Variants in PDE3A observed in about 807,000 individuals in gnomAD.
The protein encoded by PDE3A is cGMP-inhibited 3',5'-cyclic phosphodiesterase 3A.
Under a neutral mutation model 98.3 loss-of-function variants are expected in PDE3A, and 43 were observed. The observed-to-expected ratio is 0.44, with a 90% CI of 0.34 to 0.56. The LOEUF is 0.56. Ranked by LOEUF, PDE3A falls within the 20% of genes least tolerant of loss-of-function variation. PDE3A has a pLI of 0.01. For synonymous variants in PDE3A, 663 were observed against 567.9 expected (o/e 1.17, Z -2.38); for missense variants, 1,427 against 1,440.7 (o/e 0.99, Z 0.15).
intron 2 of PDE3A, among the ~76,000 whole-genome samples, chr12:20,596,722 A>G (rs747832671): frequency 2.2e-4 from 33 of 152,176 alleles, no homozygotes; most frequent in Non-Finnish European, 3.8e-4. Context: ...CTTTCCTAAT[A>G]CTTAGTTCTG....
intron 2 of PDE3A, among the ~76,000 whole-genome samples, chr12:20,578,852 C>T (rs1943001363): frequency 6.6e-6 from 1 of 152,056 alleles, no homozygotes; most frequent in Non-Finnish European, 1.5e-5. Flanking sequence ...TTGATCACTT[C>T]CTATATGTAA....
chr12:20,449,925 A>G, intron 1 of PDE3A: 1 of 804,094 alleles, frequency 1.2e-6, no homozygotes, highest in Non-Finnish European at 1.9e-6. Context: ...ACTCTGCTGG[A>G]AAGTTGATTT....
Position 20,687,120 on chromosome 12 carries a change from C to T in PDE3A, c.*6849C>T, listed in dbSNP as rs1945987971. On this transcript the variant is annotated 3_prime_UTR_variant, in exon 16 of 16. Coordinates refer to ENST00000359062, the MANE Select transcript of PDE3A (RefSeq NM_000921.5). The stretch of plus-strand genomic sequence containing the variant: ...CGGTAATTTTACTCCCTAAAAAAGG[C>T]AAAATACTCAGATGTTCAATGTGAA... 6.6e-6 allele frequency among the ~76,000 whole-genome samples: 1 copy of T among 151,968 alleles called. No homozygotes were observed. The highest frequency in any genetic ancestry group is 6.6e-5 in the Admixed American group (1 of 15,248).
At position 20,425,070 on chromosome 12, in the gene PDE3A, A is replaced by G. The variant is rs536361551; in HGVS notation, c.960+54826A>G. 5.3e-5 allele frequency among the ~76,000 whole-genome samples: 8 copies of G among 152,376 alleles called. No homozygotes were observed. In the South Asian group the frequency reaches 1.7e-3, roughly 32 times the overall value. ...ATTCATTTGAAAGAACTGACAAAAGAACATGTTTTTAGATCAACTTGCATT... is the reference window on the plus strand; with the variant it reads ...ATTCATTTGAAAGAACTGACAAAAGGACATGTTTTTAGATCAACTTGCATT... On this transcript the variant is annotated intron_variant, in intron 1 of 15. Coordinates refer to ENST00000359062, the MANE Select transcript of PDE3A (RefSeq NM_000921.5).
intron 1 of PDE3A, among the ~76,000 whole-genome samples, chr12:20,498,700 A>T (rs2121074189): frequency 6.6e-6 from 1 of 152,250 alleles, no homozygotes; most frequent in African/African-American, 2.4e-5. Flanking sequence ...AAGTTTTTTT[A>T]AAAAGGCGTT....
intron 1 of PDE3A, among the ~76,000 whole-genome samples, chr12:20,462,855 T>A (rs1355737186): frequency 6.6e-6 from 1 of 151,916 alleles, no homozygotes; most frequent in African/African-American, 2.4e-5. Context: ...CAGTGCAGGA[T>A]CATGGCTCAC....
At chr12:20,371,657 G>A (rs1404673647) in intron 1 of PDE3A, among the ~76,000 whole-genome samples, 1 of 152,026 alleles carries the variant, frequency 6.6e-6, no homozygotes, top group African/African-American at 2.4e-5. Flanking sequence ...TTATTTTAAA[G>A]CAAATGTAGT....
chr12:20,615,594 G>C (rs1943984552), intron 3 of PDE3A, among the ~76,000 whole-genome samples: 2 of 152,188 alleles, frequency 1.3e-5, no homozygotes, highest in Non-Finnish European at 2.9e-5. Context: ...TAACTAATAT[G>C]TGTGTATAGG....
At chr12:20,478,297 A>T (rs545936743) in intron 1 of PDE3A, among the ~76,000 whole-genome samples, 9 of 152,206 alleles carry the variant, frequency 5.9e-5, no homozygotes, top group Non-Finnish European at 1.2e-4. Context: ...GGAAATAAAC[A>T]TACTGATATA....
At chr12:20,436,269 C>T (rs896216419) in intron 1 of PDE3A, among the ~76,000 whole-genome samples, 6 of 151,810 alleles carry the variant, frequency 4.0e-5, no homozygotes, top group African/African-American at 4.8e-5. Flanking sequence ...ACAGCAGCTG[C>T]GAGATGTTTT....
intron 2 of PDE3A, among the ~76,000 whole-genome samples, chr12:20,586,207 G>C (rs1217724088): frequency 6.6e-6 from 1 of 152,212 alleles, no homozygotes; most frequent in Non-Finnish European, 1.5e-5. Context: ...CCTAGGAAGA[G>C]AGAATGGCAT....
chr12:20,513,981 T>A (rs1376847326), intron 1 of PDE3A, among the ~76,000 whole-genome samples: 1 of 152,166 alleles, frequency 6.6e-6, no homozygotes, highest in East Asian at 1.9e-4. Context: ...AATTTGTAAG[T>A]CCCACCTCCT....
At chr12:20,481,764 A>ATTTTTTT (rs10657239) in intron 1 of PDE3A, among the ~76,000 whole-genome samples, 27,593 of 79,100 alleles carry the variant, frequency 0.35, 7,237 homozygotes, top group Middle Eastern at 0.41. Flanking sequence ...TGGGAAATAG[A>ATTTTTTT]TTTTTTTTTT....
At chr12:20,517,395 A>G (rs2121137366) in intron 1 of PDE3A, among the ~76,000 whole-genome samples, 1 of 152,320 alleles carries the variant, frequency 6.6e-6, no homozygotes, top group African/African-American at 2.4e-5. Context: ...AAAAGAGGAT[A>G]CTTTCCCTCT....
intron 1 of PDE3A, among the ~76,000 whole-genome samples, chr12:20,534,908 ATGAATCT>A (rs1252259935): frequency 6.6e-6 from 1 of 152,202 alleles, no homozygotes; most frequent in Non-Finnish European, 1.5e-5. Context: ...TGCAATTGAA[ATGAATCT>A]TGAATTGACC....
intron 2 of PDE3A, chr12:20,572,064 A>T (rs1446544592): frequency 1.5e-5 from 18 of 1,193,200 alleles, no homozygotes; most frequent in Non-Finnish European, 1.8e-5. Flanking sequence ...GCATGTTTTT[A>T]AAAAAATGAG....
At chr12:20,451,348 A>G (rs781017961) in intron 1 of PDE3A, among the ~76,000 whole-genome samples, 4 of 152,106 alleles carry the variant, frequency 2.6e-5, no homozygotes, top group Non-Finnish European at 5.9e-5. Flanking sequence ...ATCTCAGCTC[A>G]CTGCAACCTC....
In PDE3A at chr12:20,680,432, G is replaced by A; in HGVS notation, c.*161G>A. On this transcript the variant is annotated 3_prime_UTR_variant, in exon 16 of 16. Coordinates refer to ENST00000359062, the MANE Select transcript of PDE3A (RefSeq NM_000921.5). ...TTTTGTGTGTATATTTTTACAGTGAGGTACATTGTTAAAAACTTTTTGCTC... is the reference window on the plus strand; with the variant it reads ...TTTTGTGTGTATATTTTTACAGTGAAGTACATTGTTAAAAACTTTTTGCTC... 1 of 740,558 alleles carries A rather than the reference G, an allele frequency of 1.4e-6. No homozygotes were observed. The highest frequency in any genetic ancestry group is 2.8e-5 in the East Asian group (1 of 36,168). 45.9% of individuals were successfully genotyped at this position (740,558 alleles called of 1,614,324 possible).
At position 20,680,268 on chromosome 12, in the gene PDE3A, G is replaced by A. The variant is rs1425887582; in HGVS notation, c.3423G>A (p.Gln1141=). The change falls in exon 16 of 16, where the codon CAG becomes CAA. Residue 1141 remains glutamine (Q), a synonymous_variant. Coordinates refer to ENST00000359062, the MANE Select transcript of PDE3A (RefSeq NM_000921.5). ...GEEIPTQKPD[Q] is the part of the protein sequence containing the mutation. ...AGATACCAACCCAAAAGCCAGACCA[G>A]TGACAATGGATAGAATGGGCTGTGT... 2 of 1,613,816 alleles carry A rather than the reference G, an allele frequency of 1.2e-6. No homozygotes were observed. Among genetic ancestry groups the A allele is most frequent in the Middle Eastern group, 1.7e-4 (1 of 6,056 alleles).
Sources: allele counts gnomAD v4.1 joint callset (sites outside exome capture counted in the v4.1 genomes callset), GRCh38; gene constraint gnomAD v4.1.1; transcripts MANE v1.5; gene names NCBI Gene and HGNC (gene_info 2026-07-23, HGNC 2026-07-21).